BAZ2B: variants seen among roughly 807,000 people sequenced by gnomAD.
The protein encoded by BAZ2B is bromodomain adjacent to zinc finger domain protein 2B.
Under a neutral mutation model 246.0 loss-of-function variants are expected in BAZ2B, and 91 were observed. That is an observed-to-expected ratio of 0.37 (90% CI 0.31 to 0.44). BAZ2B has a LOEUF of 0.44. Among genes scored for constraint, BAZ2B ranks in the 20% least tolerant of loss-of-function variants. The pLI is 1.00. For synonymous variants in BAZ2B, 855 were observed against 860.0 expected, an observed-to-expected ratio of 0.99 and a Z score of 0.10; for missense variants, 2,332 against 2,533.7, an observed-to-expected ratio of 0.92 and a Z score of 1.71.
At chr2:159,429,150 T>C (rs1279635161) in intron 11 of BAZ2B, 50 bp downstream of exon 11, 1 of 1,264,886 alleles carries the variant, frequency 7.9e-7, no homozygotes, top group East Asian at 2.4e-5. Context: ...ACATCAAACT[T>C]GCATAAATAT....
chr2:159,562,302 G>A (rs1012769083), intron 1 of BAZ2B, among the ~76,000 whole-genome samples: 4 of 152,158 alleles, frequency 2.6e-5, no homozygotes, highest in Non-Finnish European at 1.5e-5. Context: ...GACCTGAGAT[G>A]ACAACTTCAT....
In BAZ2B at chr2:159,427,963, T is replaced by C. The variant is rs2070298152; in HGVS notation, c.2444A>G (p.Tyr815Cys). The change falls in exon 13 of 37, where the codon TAT (tyrosine) becomes TGT (cysteine). Residue 815 changes from tyrosine (Y) to cysteine (C), a missense_variant. Around this residue, in one of 9 missense-constraint regions of BAZ2B, gnomAD observed 651 missense variants for 650.9 expected, o/e 1.00. Transcript: ENST00000392783. ...FSAKIRVGDF[Y>C]EARDGPQGMQ... Reference sequence around the variant, plus strand: ...TACCTGCGGTCCATCTCTGGCTTCATAGAAGTCACCCACTCTTATTTTTGC... The same window carrying C: ...TACCTGCGGTCCATCTCTGGCTTCACAGAAGTCACCCACTCTTATTTTTGC... 1 of 1,613,456 alleles carries C rather than the reference T, an allele frequency of 6.2e-7. No individual in the cohort carries two copies. The highest frequency in any genetic ancestry group is 8.5e-7 in the Non-Finnish European group (1 of 1,179,480).
intron 2 of BAZ2B, among the ~76,000 whole-genome samples, chr2:159,534,682 C>G (rs2085743470): frequency 6.6e-6 from 1 of 151,006 alleles, no homozygotes; most frequent in Non-Finnish European, 1.5e-5. Flanking sequence ...GGCTGGAGGG[C>G]AGTGGCGCCC....
At chr2:159,634,339 G>C in the BAZ2B span, among the ~76,000 whole-genome samples, 1 of 151,710 alleles carries the variant, frequency 6.6e-6, no homozygotes, top group African/African-American at 2.4e-5. Flanking sequence ...TCCCCTTTTT[G>C]CAAGGATTTT....
At chr2:159,624,596 A>AC in the BAZ2B span, among the ~76,000 whole-genome samples, 7 of 152,324 alleles carry the variant, frequency 4.6e-5, no homozygotes, top group Admixed American at 1.3e-4. Context: ...GAGGGGCCTG[A>AC]CTGTTGGAAG....
At chr2:159,409,338 T>G (rs1437424707) in intron 14 of BAZ2B, among the ~76,000 whole-genome samples, 3 of 152,202 alleles carry the variant, frequency 2.0e-5, no homozygotes, top group African/African-American at 7.2e-5. Flanking sequence ...GCATCTCAGT[T>G]TCAATCGCAT....
rs1234846563 is a variant in BAZ2B, at chr2:159,554,067, A to G, written c.-3+1756T>C. Among the ~76,000 whole-genome samples the G allele has an allele frequency of 2.0e-5, 3 of 152,196 alleles. No homozygotes were observed. The East Asian group carries it at 5.8e-4, about 29-fold the overall frequency. ...TCACAACAGTGTCATAACAAACTTA[A>G]GGTTTCTAATATCAGTCACTTATGA... is the stretch of plus-strand genomic sequence containing the variant. On this transcript the variant is annotated intron_variant, in intron 2 of 36. Transcript: ENST00000392783.
intron 8 of BAZ2B, chr2:159,433,919 G>GC (rs2071623065): frequency 6.5e-6 from 1 of 152,896 alleles, no homozygotes; most frequent in Non-Finnish European, 1.5e-5. Flanking sequence ...TCATAGCTTA[G>GC]TCTAAACTAC....
chr2:159,485,521 T>A (rs1264772057), intron 2 of BAZ2B, among the ~76,000 whole-genome samples: 1 of 152,142 alleles, frequency 6.6e-6, no homozygotes, highest in African/African-American at 2.4e-5. Flanking sequence ...ACAAACAATT[T>A]ATTACATCCT....
chr2:159,652,209 C>T, the BAZ2B span, among the ~76,000 whole-genome samples: 1 of 126,152 alleles, frequency 7.9e-6, no homozygotes, highest in African/African-American at 3.1e-5. Flanking sequence ...ACTTGTTACT[C>T]TCTTTTTTTT....
rs1165282800 is a variant in BAZ2B at position 159,382,668 on chromosome 2, T to C, written c.3896A>G (p.Tyr1299Cys). 3 of 1,607,040 alleles carry C rather than the reference T, an allele frequency of 1.9e-6. No homozygotes were observed. Among genetic ancestry groups the C allele is most frequent in the Non-Finnish European group, 2.6e-6 (3 of 1,175,846 alleles). Residue 1299 changes from tyrosine (Y) to cysteine (C), a missense_variant, in exon 25 of 37, where the codon TAT becomes TGT. By Grantham distance (194) the Tyr-to-Cys change is radical (BLOSUM62 -2). Transcript: ENST00000392783. ...KRRRKGGDSD[Y>C]DDDDDDDSDD... ...ACTGTCATCGTCATCATCATCGTCATAATCACTGTCTCCTCCCTTCCTTCT... is the reference window on the plus strand; with the variant it reads ...ACTGTCATCGTCATCATCATCGTCACAATCACTGTCTCCTCCCTTCCTTCT...
intron 2 of BAZ2B, among the ~76,000 whole-genome samples, chr2:159,551,272 A>C (rs1559753382): frequency 6.6e-6 from 1 of 152,130 alleles, no homozygotes; most frequent in Admixed American, 6.5e-5. Flanking sequence ...GATCAAAACC[A>C]TCCTGGCTAA....
the BAZ2B span, among the ~76,000 whole-genome samples, chr2:159,697,694 A>G: frequency 6.6e-6 from 1 of 152,124 alleles, no homozygotes; most frequent in African/African-American, 2.4e-5. Context: ...TTAAAAACAA[A>G]ATATTGAATG....
At chr2:159,413,892 A>G (rs968760108) in intron 13 of BAZ2B, among the ~76,000 whole-genome samples, 2 of 152,184 alleles carry the variant, frequency 1.3e-5, no homozygotes, top group African/African-American at 4.8e-5. Flanking sequence ...CTACCATATA[A>G]TTCAGCAATT....
chr2:159,342,327 G>T (rs1403286135), intron 31 of BAZ2B, among the ~76,000 whole-genome samples: 1 of 152,166 alleles, frequency 6.6e-6, no homozygotes, highest in East Asian at 1.9e-4. Context: ...CTATTGAAAA[G>T]TTCATATAGA....
chr2:159,489,405 T>C (rs771751724), intron 2 of BAZ2B, among the ~76,000 whole-genome samples: 18 of 152,124 alleles, frequency 1.2e-4, no homozygotes, highest in Middle Eastern at 3.2e-3. Flanking sequence ...CAGTTAAAAC[T>C]GACCCAGGGA....
intron 28 of BAZ2B, among the ~76,000 whole-genome samples, chr2:159,349,485 C>T (rs2058334451): frequency 6.6e-6 from 1 of 151,976 alleles, no homozygotes; most frequent in South Asian, 2.1e-4. Context: ...TCGGATATAC[C>T]GTTACAGTAA....
chr2:159,545,622 G>A (rs2087225630), intron 2 of BAZ2B, among the ~76,000 whole-genome samples: 4 of 152,096 alleles, frequency 2.6e-5, no homozygotes. Context: ...CAAGTTTGTT[G>A]CATAGATATT....
chr2:159,569,934 A>T (rs1265848536), intron 1 of BAZ2B, among the ~76,000 whole-genome samples: 2 of 152,170 alleles, frequency 1.3e-5, no homozygotes, highest in African/African-American at 4.8e-5. Context: ...AGGTCAATAG[A>T]TTAAAATACA....
Sources: gnomAD v4.1 joint callset for allele counts (sites outside exome capture counted in the v4.1 genomes callset) on GRCh38, gnomAD v4.1.1 for gene constraint, gnomAD v4.1.1 regional missense constraint, MANE v1.5 for transcripts, NCBI Gene and HGNC (gene_info 2026-07-23, HGNC 2026-07-21) for gene names.